The following PCDHGA7 variants were observed in gnomAD, a reference collection of about 807,000 sequenced individuals.
PCDHGA7 encodes protocadherin gamma-A7.
PCDHGA7 carries 44 observed loss-of-function variants against 58.3 expected under a neutral mutation model. The observed-to-expected ratio is 0.75, with a 90% CI of 0.59 to 0.97. The LOEUF is 0.97. PCDHGA7 is among the 50% of genes least tolerant of loss of function. The probability of loss-of-function intolerance (pLI) is 0.00; values close to 1 mark genes in which losing one functional copy is unlikely to be tolerated. For missense variants in PCDHGA7, 1,266 were observed against 1,188.7 expected (o/e 1.06, Z -0.96); for synonymous variants, 516 against 504.2 (o/e 1.02, Z -0.31).
At chr5:141,484,399 CCGCTGTGTCT>C (rs1488164183) in intron 1 of PCDHGA7, among the ~76,000 whole-genome samples, 4 of 152,186 alleles carry the variant, frequency 2.6e-5, no homozygotes, top group Non-Finnish European at 4.4e-5. Context: ...GGTTTGGTTT[CCGCTGTGTCT>C]CCTGTTACAA....
intron 1 of PCDHGA7, chr5:141,403,431 C>T: frequency 6.2e-7 from 1 of 1,614,028 alleles, no homozygotes; most frequent in Non-Finnish European, 8.5e-7. Context: ...GCTATTGATC[C>T]GGATGTTGGC....
chr5:141,472,060 T>C (rs185246000), intron 1 of PCDHGA7, among the ~76,000 whole-genome samples: 5 of 152,276 alleles, frequency 3.3e-5, no homozygotes, highest in Non-Finnish European at 1.5e-5. Context: ...ATGATTGACA[T>C]GTCTGTGGTT....
At chr5:141,418,863 TAG>T (rs1165304037) in intron 1 of PCDHGA7, 1 of 1,613,990 alleles carries the variant, frequency 6.2e-7, no homozygotes, top group Non-Finnish European at 8.5e-7. Context: ...AAAGTAATTG[TAG>T]AAGTTGTAGA....
At chr5:141,455,558 G>A (rs1261373189) in intron 1 of PCDHGA7, among the ~76,000 whole-genome samples, 1 of 152,142 alleles carries the variant, frequency 6.6e-6, no homozygotes, top group East Asian at 1.9e-4. Flanking sequence ...CCGAGAAAAA[G>A]CTGGCCCTCC....
chr5:141,458,394 T>A (rs2098944697), intron 1 of PCDHGA7, among the ~76,000 whole-genome samples: 1 of 152,062 alleles, frequency 6.6e-6, no homozygotes, highest in African/African-American at 2.4e-5. Context: ...ACGCTCCCCC[T>A]TGCAGAGACG....
At chr5:141,437,778 G>C (rs750813139) in intron 1 of PCDHGA7, among the ~76,000 whole-genome samples, 1 of 146,836 alleles carries the variant, frequency 6.8e-6, no homozygotes, top group Non-Finnish European at 1.5e-5. Flanking sequence ...TCAATCTGTC[G>C]CCAAGCTGGA....
rs369529373 is a variant in PCDHGA7 at position 141,458,890 on chromosome 5, C to T, written c.2425-35917C>T. Among the ~76,000 whole-genome samples, 87 of 152,160 alleles carry T rather than the reference C, an allele frequency of 5.7e-4. 1 individual carries two copies. In the South Asian group the frequency reaches 0.016, roughly 28 times the overall value. ...TGGGACTACAGGCATGCACACCATG[C>T]GCAGCTAATTTTTTCTATTTTTTGT... On this transcript the variant is annotated intron_variant, in intron 1 of 3. Coordinates refer to ENST00000518325, the MANE Select transcript of PCDHGA7 (RefSeq NM_018920.4).
chr5:141,429,861 A>G (rs1483953460), intron 1 of PCDHGA7, among the ~76,000 whole-genome samples: 1 of 152,226 alleles, frequency 6.6e-6, no homozygotes, highest in Non-Finnish European at 1.5e-5. Flanking sequence ...TCTTTGGACT[A>G]CCAATTTTCT....
At chr5:141,395,485 T>C (rs2093239128) in intron 1 of PCDHGA7, 2 of 522,170 alleles carry the variant, frequency 3.8e-6, no homozygotes, top group Non-Finnish European at 6.6e-6. Context: ...TTATTCCTAT[T>C]ATCACTCATT....
rs959855220 is a variant in PCDHGA7, at chr5:141,476,280, G to A, written c.2425-18527G>A. 4 of 1,614,010 alleles carry A rather than the reference G, an allele frequency of 2.5e-6. No individual in the cohort carries two copies. In the African/African-American group the frequency reaches 5.3e-5, roughly 22 times the overall value. On this transcript the variant is annotated intron_variant, in intron 1 of 3. Transcript: ENST00000518325. This position sits in a 1 kb window ranked among gnomAD's most constrained non-coding sequence, Gnocchi z 7.6. ...GTGGGCAACGTGGTCGCGAACCTTG[G>A]TTTGGATCTCGGTAGCCTCTCAGCC...
intron 1 of PCDHGA7, among the ~76,000 whole-genome samples, chr5:141,459,804 C>G (rs2098975712): frequency 6.6e-6 from 1 of 152,192 alleles, no homozygotes; most frequent in Non-Finnish European, 1.5e-5. Context: ...TCCCTGTTGA[C>G]TAGAGACACT....
intron 1 of PCDHGA7, among the ~76,000 whole-genome samples, chr5:141,443,609 T>C (rs2098396115): frequency 1.3e-5 from 2 of 152,260 alleles, no homozygotes; most frequent in African/African-American, 4.8e-5. Flanking sequence ...GAAATGTTCT[T>C]ATAATCAGGT....
chr5:141,419,571 G>C, intron 1 of PCDHGA7: 1 of 1,611,704 alleles, frequency 6.2e-7, no homozygotes. Context: ...GGTCCCGACG[G>C]CTCCGCGCTC....
At chr5:141,433,693 C>T (rs772152724) in intron 1 of PCDHGA7, among the ~76,000 whole-genome samples, 2 of 151,986 alleles carry the variant, frequency 1.3e-5, no homozygotes, top group Admixed American at 6.6e-5. Flanking sequence ...CAAAATTAGC[C>T]GGGCGTGGTG....
intron 1 of PCDHGA7, chr5:141,404,741 GACT>G: frequency 6.2e-7 from 1 of 1,614,072 alleles, no homozygotes; most frequent in Non-Finnish European, 8.5e-7. Flanking sequence ...AGTGGACAGA[GACT>G]CAGGCCAGAA....
chr5:141,422,686 C>T, intron 1 of PCDHGA7: 1 of 1,605,000 alleles, frequency 6.2e-7, no homozygotes, highest in East Asian at 2.2e-5. Flanking sequence ...ACAGAATGCC[C>T]TGGTCACTTA....
rs55729045 is a variant in PCDHGA7 at position 141,395,542 on chromosome 5, TTGTGTGTGTGTGTG to T, written c.2424+10255_2424+10268del. ...TCCATACTGGTAATTTTGCTATTGT[TTGTGTGTGTGTGTG>T]TGTGTGTGTGTGTGTGTGTGTGTGT... On this transcript the variant is annotated intron_variant, in intron 1 of 3. Transcript: ENST00000518325. The T allele has an allele frequency of 6.1e-4, 106 of 172,624 alleles. 1 individual carries two copies. Among genetic ancestry groups the T allele is most frequent in the South Asian group, 8.7e-4 (10 of 11,526 alleles). The allele number at this position is 172,624 out of a possible 1,614,324, so 10.7% of individuals were successfully genotyped here.
intron 1 of PCDHGA7, among the ~76,000 whole-genome samples, chr5:141,462,798 C>A (rs1458659959): frequency 6.6e-6 from 1 of 152,072 alleles, no homozygotes; most frequent in Non-Finnish European, 1.5e-5. Flanking sequence ...ATTTGCATGT[C>A]TAATAATGTT....
rs187713374 is a variant in PCDHGA7, at chr5:141,430,744, C to G, written c.2424+45421C>G. 2.5e-4 allele frequency: 380 copies of G among 1,498,404 alleles called. 1 individual carries two copies. In the African/African-American group the frequency reaches 4.6e-3, roughly 18 times the overall value. The allele number at this position is 1,498,404 out of a possible 1,614,324, so 92.8% of individuals were successfully genotyped here. A position where few individuals can be genotyped will look rare whatever the true frequency, so the allele number is the denominator to read the frequency against. ...GTTAAGGGCAGAATTGAAAATAATTCTGGAGGAAGATAAGAATGATTCCTG... is the reference window on the plus strand; with the variant it reads ...GTTAAGGGCAGAATTGAAAATAATTGTGGAGGAAGATAAGAATGATTCCTG... On this transcript the variant is annotated intron_variant, in intron 1 of 3. Coordinates refer to ENST00000518325, the MANE Select transcript of PCDHGA7 (RefSeq NM_018920.4).
Sources: allele counts gnomAD v4.1 joint callset (sites outside exome capture counted in the v4.1 genomes callset), GRCh38; gene constraint gnomAD v4.1.1; non-coding constraint Gnocchi (gnomAD v3.1); transcripts MANE v1.5; gene names NCBI Gene and HGNC (gene_info 2026-07-23, HGNC 2026-07-21).